The following ITIH2 variants were observed in gnomAD, a reference collection of about 807,000 sequenced individuals.
ITIH2 encodes the protein inter-alpha-trypsin inhibitor heavy chain H2.
ITIH2 carries 103 observed loss-of-function variants against 104.4 expected under a neutral mutation model. The observed-to-expected ratio is 0.99, with a 90% CI of 0.84 to 1.16. The LOEUF (loss-of-function observed/expected upper bound fraction) is 1.16. Ranked by LOEUF, ITIH2 falls within the 50% of genes most tolerant of loss-of-function variation. The probability of loss-of-function intolerance (pLI) is 0.00; values close to 1 mark genes in which losing one functional copy is unlikely to be tolerated. For synonymous variants in ITIH2, 436 were observed against 435.4 expected, an observed-to-expected ratio of 1.00 and a Z score of -0.02; for missense variants, 1,108 against 1,162.4, an observed-to-expected ratio of 0.95 and a Z score of 0.68.
chr10:7,730,208 T>G, intron 12 of ITIH2, 75 bp downstream of exon 12: 2 of 1,108,510 alleles, frequency 1.8e-6, no homozygotes, highest in Non-Finnish European at 1.3e-6. Context: ...GCAGGTATGA[T>G]GCATAACTGA....
chr10:7,734,949 G>C lies in ITIH2; in HGVS notation c.1815G>C (p.Lys605Asn), dbSNP rs1835038743. The change falls in exon 15 of 21, where the codon AAG (lysine) becomes AAC (asparagine). Residue 605 changes from lysine to asparagine, a missense_variant. Lys to Asn is a moderately conservative substitution (Grantham distance 94). Transcript: ENST00000358415. The stretch of plus-strand genomic sequence containing the variant: ...GCCTGGCTCCTACAGCTGCCGCCAA[G>C]AGAAGAATTACAAGATCGATCCTGC... ...ERSLAPTAAA[K>N]RRITRSILQM... 10 of 1,613,254 alleles carry C rather than the reference G, an allele frequency of 6.2e-6. No individual in the cohort carries two copies. Among genetic ancestry groups the C allele is most frequent in the Non-Finnish European group, 7.6e-6 (9 of 1,179,994 alleles).
rs544214789 is a variant in ITIH2 at position 7,719,394 on chromosome 10, A to G, written c.631-1462A>G. On this transcript the variant is annotated intron_variant, in intron 6 of 20. Coordinates refer to ENST00000358415, the MANE Select transcript of ITIH2 (RefSeq NM_002216.3). ...TAAGTGTGTTGTTGGACATTTTTCCACTACTGATGATGGATGAGTGTCAGT... is the reference window on the plus strand; with the variant it reads ...TAAGTGTGTTGTTGGACATTTTTCCGCTACTGATGATGGATGAGTGTCAGT... Among the ~76,000 whole-genome samples the G allele has an allele frequency of 2.0e-5, 3 of 152,274 alleles. No individual in the cohort carries two copies. The South Asian group carries it at 6.2e-4, about 32-fold the overall frequency.
chr10:7,745,712 C>G (rs910512408), intron 19 of ITIH2, among the ~76,000 whole-genome samples: 1 of 151,794 alleles, frequency 6.6e-6, no homozygotes, highest in African/African-American at 2.4e-5. Context: ...TGCCACTGTG[C>G]TCCAGCCTGG....
At chr10:7,744,611 G>A (rs1270071101) in intron 18 of ITIH2, among the ~76,000 whole-genome samples, 180 bp from the exon 19 acceptor site, 3 of 152,184 alleles carry the variant, frequency 2.0e-5, no homozygotes, top group Non-Finnish European at 2.9e-5. Context: ...TGTCCTCTGC[G>A]TAGAAGCTTC....
At chr10:7,747,312 C>A (rs374916132) in intron 20 of ITIH2, among the ~76,000 whole-genome samples, 1 of 152,150 alleles carries the variant, frequency 6.6e-6, no homozygotes, top group African/African-American at 2.4e-5. Context: ...ACAAAGCAGC[C>A]AACTTTGCTT....
chr10:7,715,613 T>C (rs1295480185), intron 5 of ITIH2, among the ~76,000 whole-genome samples: 1 of 152,144 alleles, frequency 6.6e-6, no homozygotes, highest in Non-Finnish European at 1.5e-5. Flanking sequence ...GCAGGCTCTG[T>C]CTCAAAGCTT....
At chr10:7,743,304 ATGCTTTCCT>A (rs1835144296) in intron 17 of ITIH2, 45 bp downstream of exon 17, 3 of 989,706 alleles carry the variant, frequency 3.0e-6, no homozygotes, top group Non-Finnish European at 4.7e-6. Context: ...GGTCATTGTC[ATGCTTTCCT>A]GTCACTGCCT....
At chr10:7,716,226 C>T (rs1309712067) in intron 5 of ITIH2, among the ~76,000 whole-genome samples, 1 of 152,134 alleles carries the variant, frequency 6.6e-6, no homozygotes. Context: ...AGTGACCCAC[C>T]CACCTCAGCC....
chr10:7,713,572 G>C (rs760960302), intron 5 of ITIH2, among the ~76,000 whole-genome samples: 18 of 152,246 alleles, frequency 1.2e-4, no homozygotes, highest in Non-Finnish European at 1.5e-5. Flanking sequence ...AGAGTGAAGA[G>C]AGAAACTACA....
chr10:7,728,281 GCT>G (rs1834969621), intron 11 of ITIH2, among the ~76,000 whole-genome samples: 1 of 152,186 alleles, frequency 6.6e-6, no homozygotes, highest in Non-Finnish European at 1.5e-5. Flanking sequence ...AGAAATGACT[GCT>G]CTCTGACACA....
At chr10:7,734,045 A>G (rs776429543) in intron 14 of ITIH2, among the ~76,000 whole-genome samples, 3 of 152,050 alleles carry the variant, frequency 2.0e-5, no homozygotes, top group Non-Finnish European at 4.4e-5. Context: ...AGCAGTTGCT[A>G]AAGGTTGGGG....
intron 3 of ITIH2, among the ~76,000 whole-genome samples, chr10:7,708,496 G>T (rs190218466): frequency 6.6e-6 from 1 of 152,282 alleles, no homozygotes; most frequent in Non-Finnish European, 1.5e-5. Context: ...AGGAGAAAAG[G>T]ACTGCAGATG....
intron 15 of ITIH2, among the ~76,000 whole-genome samples, chr10:7,737,673 T>TATATTATATTCTATATTCTATAGA (rs1835074128): frequency 9.0e-5 from 3 of 33,278 alleles, no homozygotes; most frequent in East Asian, 1.2e-3. Flanking sequence ...TATTATATTC[T>TATATTATATTCTATATTCTATAGA]ATATTTTCTA....
intron 4 of ITIH2, among the ~76,000 whole-genome samples, chr10:7,711,656 C>G (rs1479818944): frequency 1.3e-5 from 2 of 152,120 alleles, no homozygotes; most frequent in African/African-American, 2.4e-5. Context: ...GGTCTGATGT[C>G]TCTCATCTAA....
chr10:7,726,845 TGAG>T, intron 9 of ITIH2, 102 bp from the exon 10 acceptor site: 1 of 996,138 alleles, frequency 1.0e-6, no homozygotes, highest in African/African-American at 1.6e-5. Context: ...AAGTTTAGCT[TGAG>T]AAGAACTTGA....
chr10:7,730,098 AT>A lies in ITIH2; in HGVS notation c.1429del (p.Tyr477MetfsTer65). On this transcript the variant is annotated frameshift_variant, in exon 12 of 21. Transcript: ENST00000358415. LOFTEE classifies it high-confidence loss of function. ...TGAAAACCATGGAATTGCACAAAGGATTTATGGAAACCAGGACACGTCTTCC... is the reference window on the plus strand; with the variant it reads ...TGAAAACCATGGAATTGCACAAAGGATTATGGAAACCAGGACACGTCTTCC... ...SNENHGIAQR[I>X]YGNQDTSSQL... is the part of the protein sequence containing the mutation. 1 of 1,608,506 alleles carries A rather than the reference AT, an allele frequency of 6.2e-7. No individual in the cohort carries two copies. The highest frequency in any genetic ancestry group is 8.5e-7 in the Non-Finnish European group (1 of 1,178,394).
chr10:7,741,231 T>G (rs543189599), intron 16 of ITIH2, among the ~76,000 whole-genome samples: 2 of 142,296 alleles, frequency 1.4e-5, no homozygotes, highest in East Asian at 4.3e-4. Context: ...TAGGCTGGAG[T>G]GCAATGGCTC....
At chr10:7,713,810 C>T (rs1052209862) in intron 5 of ITIH2, among the ~76,000 whole-genome samples, 1 of 151,926 alleles carries the variant, frequency 6.6e-6, no homozygotes, top group Non-Finnish European at 1.5e-5. Context: ...TGGCCCCAAG[C>T]GGGAATGCCT....
chr10:7,732,152 T>C (rs1207433906), intron 13 of ITIH2, among the ~76,000 whole-genome samples, 156 bp downstream of exon 13: 1 of 152,150 alleles, frequency 6.6e-6, no homozygotes, highest in Non-Finnish European at 1.5e-5. Flanking sequence ...TTCCCAGCTA[T>C]TCCATAAATC....
Sources: allele counts gnomAD v4.1 joint callset (sites outside exome capture counted in the v4.1 genomes callset), GRCh38; gene constraint gnomAD v4.1.1; transcripts MANE v1.5; gene names NCBI Gene and HGNC (gene_info 2026-07-23, HGNC 2026-07-21).